The following SOX5 variants were observed in gnomAD, a reference collection of about 807,000 sequenced individuals.
SOX5 encodes transcription factor SOX-5.
Under a neutral mutation model 92.0 loss-of-function variants are expected in SOX5, and 9 were observed. The ratio of observed to expected loss-of-function variants is 0.10; its 90% CI spans 0.06 to 0.17. The LOEUF (loss-of-function observed/expected upper bound fraction) is 0.17. Among genes scored for constraint, SOX5 ranks in the 10% least tolerant of loss-of-function variants. The pLI is 1.00. For synonymous variants in SOX5, 344 were observed against 336.3 expected (o/e 1.02, Z -0.25); for missense variants, 642 against 944.5 (o/e 0.68, Z 4.20).
At chr12:24,402,767 A>G (rs2136660896) in intron 1 of SOX5, among the ~76,000 whole-genome samples, 1 of 152,312 alleles carries the variant, frequency 6.6e-6, no homozygotes, top group South Asian at 2.1e-4. Flanking sequence ...ATTTATAAAA[A>G]CATATGGCTG....
intron 4 of SOX5, among the ~76,000 whole-genome samples, chr12:24,067,174 G>A (rs549790656): frequency 6.6e-6 from 1 of 152,300 alleles, no homozygotes; most frequent in African/African-American, 2.4e-5. Flanking sequence ...TTTTTAAAAT[G>A]AATGCCAGTG....
chr12:23,981,803 A>G (rs1409175178), intron 4 of SOX5, among the ~76,000 whole-genome samples: 2 of 152,160 alleles, frequency 1.3e-5, no homozygotes, highest in Non-Finnish European at 2.9e-5. Context: ...TAAATTCTCA[A>G]TATCCAAGTT....
Position 24,458,406 on chromosome 12 carries a change from A to AT in SOX5, c.-250-89768dup, listed in dbSNP as rs565868985. 2.0e-5 allele frequency among the ~76,000 whole-genome samples: 3 copies of AT among 152,012 alleles called. No homozygotes were observed. The South Asian group carries it at 6.2e-4, about 32-fold the overall frequency. The stretch of plus-strand genomic sequence containing the variant: ...ATTTATGACATTATCATCTATGGGC[A>AT]TTTTTTTTCTTCATCTTCCAGGGTC... On this transcript the variant is annotated intron_variant, in intron 1 of 4. Coordinates refer to the SOX5 transcript ENST00000446891.
rs2084720730 is a variant in SOX5, at chr12:23,671,178, A to G, written c.811-5614T>C. ...AGTGAGTTTGTATGAAATCTCAAAC[A>G]GCACAAACTTATGGTAGGATATTTG... On this transcript the variant is annotated intron_variant, in intron 6 of 14. Transcript: ENST00000451604. 2.0e-5 allele frequency among the ~76,000 whole-genome samples: 3 copies of G among 152,214 alleles called. No individual in the cohort carries two copies. In the South Asian group the frequency reaches 6.2e-4, roughly 31 times the overall value.
chr12:24,476,204 G>T (rs1427946348), intron 1 of SOX5, among the ~76,000 whole-genome samples: 1 of 152,296 alleles, frequency 6.6e-6, no homozygotes, highest in Non-Finnish European at 1.5e-5. Flanking sequence ...TAACATTTAT[G>T]ACTGAATCCT....
chr12:23,583,147 T>C (rs1211267754), intron 9 of SOX5, among the ~76,000 whole-genome samples: 1 of 152,086 alleles, frequency 6.6e-6, no homozygotes, highest in Non-Finnish European at 1.5e-5. Context: ...GCCACACCAT[T>C]CCTTTTTACA....
At chr12:24,532,562 TACA>T (rs1457585638) in intron 1 of SOX5, among the ~76,000 whole-genome samples, 1 of 152,226 alleles carries the variant, frequency 6.6e-6, no homozygotes, top group Non-Finnish European at 1.5e-5. Context: ...AAGGACGATT[TACA>T]ACATTACCAA....
intron 2 of SOX5, among the ~76,000 whole-genome samples, chr12:23,887,799 TTC>T (rs2137369862): frequency 6.6e-6 from 1 of 152,270 alleles, no homozygotes; most frequent in African/African-American, 2.4e-5. Context: ...TTTTTTAACT[TTC>T]TTTTTTATTC....
intron 2 of SOX5, among the ~76,000 whole-genome samples, chr12:24,331,767 G>A (rs1951332486): frequency 7.1e-6 from 1 of 140,100 alleles, no homozygotes. Flanking sequence ...AGAATCCCTT[G>A]AGCCCAGGGG....
intron 1 of SOX5, among the ~76,000 whole-genome samples, chr12:24,424,562 C>A (rs567789871): frequency 2.6e-5 from 4 of 152,194 alleles, no homozygotes; most frequent in Admixed American, 2.6e-4. Context: ...CCCCCCACCC[C>A]CCAAGTTACT....
chr12:23,966,333 C>T (rs1411165632), intron 4 of SOX5, among the ~76,000 whole-genome samples: 1 of 149,436 alleles, frequency 6.7e-6, no homozygotes, highest in South Asian at 2.1e-4. Context: ...AACTGAAAGG[C>T]AGGAAATTTT....
At chr12:24,124,363 T>C (rs1218297554) in intron 4 of SOX5, among the ~76,000 whole-genome samples, 1 of 152,062 alleles carries the variant, frequency 6.6e-6, no homozygotes, top group South Asian at 2.1e-4. Flanking sequence ...CACAGAACAT[T>C]TGGAGCGTGG....
At chr12:24,245,740 C>A (rs1301452825) in intron 3 of SOX5, among the ~76,000 whole-genome samples, 1 of 151,920 alleles carries the variant, frequency 6.6e-6, no homozygotes, top group African/African-American at 2.4e-5. Flanking sequence ...GCAACAATAA[C>A]AAAATTTGGC....
chr12:23,849,851 G>T (rs1009107991), intron 2 of SOX5, among the ~76,000 whole-genome samples: 1 of 152,022 alleles, frequency 6.6e-6, no homozygotes, highest in Non-Finnish European at 1.5e-5. Context: ...TGACTAATCA[G>T]AGTAATGGTA....
At chr12:23,864,029 A>C (rs992539477) in intron 2 of SOX5, among the ~76,000 whole-genome samples, 6 of 151,944 alleles carry the variant, frequency 3.9e-5, no homozygotes, top group African/African-American at 1.2e-4. Flanking sequence ...CTGTGCATTA[A>C]GCAAGTTTAT....
chr12:23,860,952 T>TAAAAAAAAAA (rs71059935), intron 2 of SOX5, among the ~76,000 whole-genome samples: 20 of 45,874 alleles, frequency 4.4e-4, no homozygotes, highest in African/African-American at 1.3e-3. Flanking sequence ...GTATATTTTG[T>TAAAAAAAAAA]AAAAAAAAAA....
At chr12:23,686,311 T>A (rs911548891) in intron 6 of SOX5, among the ~76,000 whole-genome samples, 4 of 152,354 alleles carry the variant, frequency 2.6e-5, no homozygotes, top group South Asian at 4.1e-4. Context: ...AATTTTCCAA[T>A]GTTATGACCA....
chr12:24,150,101 AC>A (rs1423294120), intron 4 of SOX5, among the ~76,000 whole-genome samples: 1 of 152,186 alleles, frequency 6.6e-6, no homozygotes, highest in African/African-American at 2.4e-5. Flanking sequence ...GTCAATACTT[AC>A]CAAATTGTAT....
chr12:24,448,991 C>G (rs565401813), intron 1 of SOX5, among the ~76,000 whole-genome samples: 9 of 152,154 alleles, frequency 5.9e-5, no homozygotes, highest in Non-Finnish European at 1.0e-4. Context: ...CCCCGCTACA[C>G]CCCGCTTCCA....
Sources: gnomAD v4.1 joint callset for allele counts (sites outside exome capture counted in the v4.1 genomes callset) on GRCh38, gnomAD v4.1.1 for gene constraint, MANE v1.5 for transcripts, NCBI Gene and HGNC (gene_info 2026-07-23, HGNC 2026-07-21) for gene names.